Variants in GLB1 observed in about 807,000 individuals in gnomAD.
GLB1 encodes beta-galactosidase.
GLB1 carries 56 observed loss-of-function variants against 74.0 expected under a neutral mutation model. The ratio of observed to expected loss-of-function variants is 0.76; its 90% CI spans 0.61 to 0.94. The LOEUF (loss-of-function observed/expected upper bound fraction) is 0.94. Among genes scored for constraint, GLB1 ranks in the 40% least tolerant of loss-of-function variants. GLB1 has a pLI of 0.00. For synonymous variants in GLB1, 323 were observed against 323.6 expected, an observed-to-expected ratio of 1.00 and a Z score of 0.02; for missense variants, 787 against 845.5, an observed-to-expected ratio of 0.93 and a Z score of 0.86.
chr3:33,030,549 C>T (rs1697962858), intron 10 of GLB1: 1 of 985,358 alleles, frequency 1.0e-6, no homozygotes, highest in African/African-American at 1.7e-5. Context: ...AAGCCAATGT[C>T]ATTCCAGTCA....
At position 33,013,934 on chromosome 3, in the gene GLB1, C is replaced by T. The variant is rs150467716; in HGVS notation, c.1734+122G>A. On this transcript the variant is annotated intron_variant, in intron 15 of 15. Transcript: ENST00000307363. The stretch of plus-strand genomic sequence containing the variant: ...CACAATCCGCCTCCTGAAGAATGTC[C>T]GAAACGCCACACTCAAAACCATCAC... The T allele has an allele frequency of 7.9e-5, 122 of 1,544,074 alleles. No individual in the cohort carries two copies. The African/African-American group carries it at 1.3e-3, about 17-fold the overall frequency.
At chr3:32,982,272 C>T in the GLB1 span, among the ~76,000 whole-genome samples, 1 of 146,456 alleles carries the variant, frequency 6.8e-6, no homozygotes, top group South Asian at 2.2e-4. Flanking sequence ...GAGATGGGAC[C>T]ATTGCACTCC....
chr3:33,071,661 A>G (rs1294989161), intron 2 of GLB1, among the ~76,000 whole-genome samples: 1 of 152,042 alleles, frequency 6.6e-6, no homozygotes, highest in East Asian at 1.9e-4. Context: ...AGGCCTTAGA[A>G]GCAAATCTTC....
intron 6 of GLB1, among the ~76,000 whole-genome samples, chr3:33,055,284 A>G (rs1396264115): frequency 1.3e-5 from 2 of 152,120 alleles, no homozygotes; most frequent in African/African-American, 4.8e-5. Flanking sequence ...TTATGCTTAA[A>G]ACACAATCAT....
intron 9 of GLB1, among the ~76,000 whole-genome samples, chr3:33,046,728 A>C (rs1698757716): frequency 6.6e-6 from 1 of 152,172 alleles, no homozygotes; most frequent in Non-Finnish European, 1.5e-5. Flanking sequence ...TATTAAACCA[A>C]ACACAGCGGG....
rs2125586153 is a variant in GLB1, at chr3:33,093,798, A to C, written c.75+3213T>G. ...GGCCTGCTCCATGCCGCTGAGGATG[A>C]AGAGGAAGAAGAGCATGATGATGTA... On this transcript the variant is annotated intron_variant, in intron 1 of 15. Coordinates refer to ENST00000307363, the MANE Select transcript of GLB1 (RefSeq NM_000404.4). The surrounding 1 kb of genome is among the most constrained non-coding windows in gnomAD (Gnocchi z 6.0). The C allele has an allele frequency of 1.2e-6, 2 of 1,613,488 alleles. No homozygotes were observed. The highest frequency in any genetic ancestry group is 8.5e-7 in the Non-Finnish European group (1 of 1,179,694).
chr3:33,006,388 G>A (rs1434825734), intron 15 of GLB1, among the ~76,000 whole-genome samples: 1 of 152,130 alleles, frequency 6.6e-6, no homozygotes, highest in East Asian at 1.9e-4. Context: ...ATGATTTGAG[G>A]TGGAACAGTT....
chr3:33,072,741 G>C (rs763898017), intron 1 of GLB1, 28 bp from the exon 2 acceptor site: 1 of 1,613,902 alleles, frequency 6.2e-7, no homozygotes, highest in South Asian at 1.1e-5. Context: ...GGTCACATGA[G>C]AACTTCCACC....
At chr3:33,080,560 T>C (rs1210031014) in intron 1 of GLB1, among the ~76,000 whole-genome samples, 1 of 152,208 alleles carries the variant, frequency 6.6e-6, no homozygotes, top group East Asian at 1.9e-4. Flanking sequence ...AGGCAGTCCA[T>C]GCCCCTGAGG....
intron 1 of GLB1, among the ~76,000 whole-genome samples, chr3:33,088,388 C>T (rs886964873): frequency 6.6e-6 from 1 of 151,522 alleles, no homozygotes; most frequent in Admixed American, 6.6e-5. Flanking sequence ...CACACACACA[C>T]ACACACACAC....
intron 1 of GLB1, among the ~76,000 whole-genome samples, chr3:33,079,209 G>A (rs564371506): frequency 4.6e-5 from 7 of 152,278 alleles, no homozygotes; most frequent in African/African-American, 1.7e-4. Context: ...GGGAAGGGAC[G>A]TGAGGGAACT....
At chr3:33,041,068 T>A (rs1046528055) in intron 10 of GLB1, among the ~76,000 whole-genome samples, 5 of 152,120 alleles carry the variant, frequency 3.3e-5, no homozygotes, top group Admixed American at 6.5e-5. Flanking sequence ...TCTAACAAAT[T>A]ATCTAATAGA....
At chr3:33,092,173 C>T (rs1700792642) in intron 1 of GLB1, 2 of 985,592 alleles carry the variant, frequency 2.0e-6, no homozygotes, top group African/African-American at 1.7e-5. Context: ...CTGACCTTGC[C>T]CCCAAAGGCC....
At chr3:33,076,666 C>T (rs536055230) in intron 1 of GLB1, among the ~76,000 whole-genome samples, 6 of 151,944 alleles carry the variant, frequency 3.9e-5, no homozygotes, top group Admixed American at 2.0e-4. Context: ...ACAGAGAGAG[C>T]GAGCATGTGA....
rs1474404671 is a variant in GLB1, at chr3:33,072,670, G to A, written c.119C>T (p.Ser40Phe). 6 of 1,614,160 alleles carry A rather than the reference G, an allele frequency of 3.7e-6. No individual in the cohort carries two copies. Among genetic ancestry groups the A allele is most frequent in the South Asian group, 2.2e-5 (2 of 91,074 alleles). ...RMFEIDYSRD[S>F]FLKDGQPFRY... ...AAATGGCTGGCCATCCTTGAGGAAG[G>A]AGTCCCGGCTATAGTCAATTTCAAA... The change falls in exon 2 of 16, where the codon TCC (serine) becomes TTC (phenylalanine). Residue 40 changes from serine (S) to phenylalanine (F), a missense_variant. Coordinates refer to ENST00000307363, the MANE Select transcript of GLB1 (RefSeq NM_000404.4).
chr3:33,082,433 T>G (rs570580878), intron 1 of GLB1, among the ~76,000 whole-genome samples: 61 of 152,274 alleles, frequency 4.0e-4, no homozygotes, highest in Non-Finnish European at 6.0e-4. Context: ...ACCACAATCC[T>G]CTGGGAATTG....
At chr3:33,025,775 G>A (rs1437035634) in intron 10 of GLB1, among the ~76,000 whole-genome samples, 47 of 152,292 alleles carry the variant, frequency 3.1e-4, no homozygotes, top group Non-Finnish European at 4.4e-5. Context: ...GCCAGTAGTG[G>A]CGGCGGAGAG....
At chr3:33,058,339 G>A in intron 5 of GLB1, 70 bp from the exon 6 acceptor site, 1 of 1,597,862 alleles carries the variant, frequency 6.3e-7, no homozygotes, top group Non-Finnish European at 8.5e-7. Context: ...AAGCTTTTGT[G>A]TGGGAAAATA....
At chr3:33,085,562 T>C (rs1321704340) in intron 1 of GLB1, among the ~76,000 whole-genome samples, 2 of 151,940 alleles carry the variant, frequency 1.3e-5, no homozygotes, top group Non-Finnish European at 2.9e-5. Context: ...TATCAGCGGG[T>C]AGCAATCTAA....
Sources: allele counts gnomAD v4.1 joint callset (sites outside exome capture counted in the v4.1 genomes callset), GRCh38; gene constraint gnomAD v4.1.1; non-coding constraint Gnocchi (gnomAD v3.1); transcripts MANE v1.5; gene names NCBI Gene and HGNC (gene_info 2026-07-23, HGNC 2026-07-21).